Variants in NIPAL3 observed in about 807,000 individuals in gnomAD.
NIPAL3 encodes the protein NIPA like domain containing 3, also known as NIPA-like protein 3.
NIPAL3 carries 41 observed loss-of-function variants against 47.2 expected under a neutral mutation model. That is an observed-to-expected ratio of 0.87 (90% confidence interval 0.68 to 1.13). The LOEUF (loss-of-function observed/expected upper bound fraction) is 1.13, where lower values mean the gene tolerates loss of function less well. NIPAL3 is among the 50% of genes most tolerant of loss of function. The probability of loss-of-function intolerance (pLI) is 0.00; values close to 1 mark genes in which losing one functional copy is unlikely to be tolerated. For synonymous variants in NIPAL3, 194 were observed against 209.6 expected (o/e 0.93, Z 0.64); for missense variants, 449 against 530.1 (o/e 0.85, Z 1.50).
At chr1:24,463,022 G>A (rs1646543906) in intron 10 of NIPAL3, among the ~76,000 whole-genome samples, 1 of 151,898 alleles carries the variant, frequency 6.6e-6, no homozygotes, top group Non-Finnish European at 1.5e-5. Context: ...ACAAAATTTT[G>A]TACTAAAAAT....
At chr1:24,455,457 A>G (rs1032082332) in intron 7 of NIPAL3, among the ~76,000 whole-genome samples, 3 of 152,254 alleles carry the variant, frequency 2.0e-5, no homozygotes, top group African/African-American at 7.2e-5. Flanking sequence ...AGATACACAC[A>G]TATTGGAAAT....
chr1:24,447,830 G>A (rs1397550815), intron 5 of NIPAL3, among the ~76,000 whole-genome samples: 2 of 152,242 alleles, frequency 1.3e-5, no homozygotes, highest in Non-Finnish European at 2.9e-5. Flanking sequence ...GCCTTGATGA[G>A]CAGACCATGG....
chr1:24,459,351 C>A (rs888664367), intron 9 of NIPAL3, among the ~76,000 whole-genome samples: 2 of 152,192 alleles, frequency 1.3e-5, no homozygotes, highest in African/African-American at 4.8e-5. Context: ...CAAATCTCTT[C>A]TGTATAATTT....
intron 2 of NIPAL3, among the ~76,000 whole-genome samples, chr1:24,438,690 T>G (rs754925807): frequency 6.6e-6 from 1 of 152,192 alleles, no homozygotes; most frequent in Non-Finnish European, 1.5e-5. Flanking sequence ...CTGTTTGTCT[T>G]GTTAACTGCC....
chr1:24,414,535 T>A (rs1643925870), upstream of NIPAL3: 2 of 129,696 alleles, frequency 1.5e-5, no homozygotes, highest in South Asian at 5.0e-4. Flanking sequence ...TCCAAGCTTT[T>A]TTTTTTTTTT....
intron 11 of NIPAL3, chr1:24,465,772 A>T (rs1646670681): frequency 2.7e-6 from 1 of 372,800 alleles, no homozygotes; most frequent in African/African-American, 2.1e-5. Flanking sequence ...TAGTGGTCAT[A>T]TGTGTAAAGG....
chr1:24,430,729 G>A (rs77162413), intron 2 of NIPAL3, among the ~76,000 whole-genome samples: 4,605 of 152,230 alleles, frequency 0.03, 245 homozygotes, highest in African/African-American at 0.11. Flanking sequence ...TTTCTGTGAC[G>A]TTTACCAAAA....
chr1:24,442,370 C>T, intron 4 of NIPAL3, 144 bp downstream of exon 4: 1 of 810,542 alleles, frequency 1.2e-6, no homozygotes, highest in South Asian at 2.1e-5. Flanking sequence ...TCAGACACAC[C>T]AGGCCCTGTA....
intron 2 of NIPAL3, among the ~76,000 whole-genome samples, chr1:24,431,532 A>C (rs1644877998): frequency 6.6e-6 from 1 of 152,118 alleles, no homozygotes; most frequent in Admixed American, 6.5e-5. Context: ...TTTAAAATTT[A>C]TTTTATGACC....
rs976065444 is a variant in NIPAL3, at chr1:24,454,966, T to G, written c.638-1172T>G. The G allele has an allele frequency of 1.1e-4, 16 of 152,102 alleles. No homozygotes were observed. Among genetic ancestry groups the G allele is most frequent in the African/African-American group, 3.6e-4 (15 of 41,410 alleles). The allele number at this position is 152,102 out of a possible 1,614,324, so 9.4% of individuals were successfully genotyped here. On this transcript the variant is annotated intron_variant, in intron 7 of 11. Coordinates refer to ENST00000374399, the MANE Select transcript of NIPAL3 (RefSeq NM_020448.5). The surrounding 1 kb of genome is among the most constrained non-coding windows in gnomAD (Gnocchi z 4.1). ...CCCTGAAACATCCTCTCCTCTTACG[T>G]AGGAAGGCCAGAAGGTTCTGAGGCC...
Position 24,460,371 on chromosome 1 carries a change from G to C in NIPAL3, c.863-110G>C, listed in dbSNP as rs149647547. 5.3e-5 allele frequency: 44 copies of C among 830,542 alleles called. No individual in the cohort carries two copies. In the Middle Eastern group the frequency reaches 1.3e-3, roughly 25 times the overall value. 51.4% of individuals were successfully genotyped at this position (830,542 alleles called of 1,614,324 possible). On this transcript the variant is annotated intron_variant, in intron 9 of 11. Coordinates refer to ENST00000374399, the MANE Select transcript of NIPAL3 (RefSeq NM_020448.5). Reference sequence around the variant, plus strand: ...CTTGTAAGGCACAGTCATAAGTTTTGATCATTTTAGTTTCCTAAATGGAAG... The same window carrying C: ...CTTGTAAGGCACAGTCATAAGTTTTCATCATTTTAGTTTCCTAAATGGAAG...
chr1:24,455,158 GC>G (rs577321444), intron 7 of NIPAL3, among the ~76,000 whole-genome samples: 169 of 152,334 alleles, frequency 1.1e-3, no homozygotes, highest in African/African-American at 3.8e-3. Context: ...GAATAGGAAA[GC>G]AAAGCACAGC....
intron 10 of NIPAL3, among the ~76,000 whole-genome samples, chr1:24,461,638 A>G (rs195722): frequency 0.54 from 81,045 of 150,614 alleles, 22,210 homozygotes; most frequent in African/African-American, 0.62. Context: ...AGGCTGAGGC[A>G]GGTGGATCAC....
rs116815264 is a variant in NIPAL3, at chr1:24,428,029, C to G, written c.93+8389C>G. ...GGAAGGCCGAGGCAGCCTTTGAGCC[C>G]AGGAGTTCGAGACCAGCCTGGGCAA... On this transcript the variant is annotated intron_variant, in intron 2 of 11. Transcript: ENST00000374399. 3.2e-3 allele frequency among the ~76,000 whole-genome samples: 492 copies of G among 152,184 alleles called. 2 individuals are homozygous for G. Among genetic ancestry groups the G allele is most frequent in the African/African-American group, 0.012 (484 of 41,500 alleles).
chr1:24,449,636 GCCTCCA>G lies in NIPAL3; in HGVS notation c.540+11_540+16del. ...TTTCCTTTTGTACATGGTAAGAGAAGCCTCCAGTCGTTCCCCCTGAGATGGCAGGAG... is the reference window on the plus strand; with the variant it reads ...TTTCCTTTTGTACATGGTAAGAGAAGGTCGTTCCCCCTGAGATGGCAGGAG... On this transcript the variant is annotated intron_variant, in intron 6 of 11. Coordinates refer to ENST00000374399, the MANE Select transcript of NIPAL3 (RefSeq NM_020448.5). The surrounding 1 kb of genome is among the most constrained non-coding windows in gnomAD (Gnocchi z 4.5). The G allele has an allele frequency of 1.2e-6, 2 of 1,610,148 alleles. No homozygotes were observed. Among genetic ancestry groups the G allele is most frequent in the African/African-American group, 2.7e-5 (2 of 74,998 alleles).
At chr1:24,456,401 G>A in intron 8 of NIPAL3, 128 bp downstream of exon 8, 1 of 1,307,616 alleles carries the variant, frequency 7.6e-7, no homozygotes, top group East Asian at 2.3e-5. Flanking sequence ...ATCCAGCATG[G>A]AGAGAGGAGC....
At chr1:24,438,456 G>A (rs898356908) in intron 2 of NIPAL3, among the ~76,000 whole-genome samples, 2 of 152,188 alleles carry the variant, frequency 1.3e-5, no homozygotes, top group African/African-American at 4.8e-5. Flanking sequence ...CCTCCCTCTC[G>A]GTCCTCCTGC....
intron 9 of NIPAL3, among the ~76,000 whole-genome samples, chr1:24,459,635 C>CT (rs1488875290): frequency 6.6e-6 from 1 of 152,246 alleles, no homozygotes; most frequent in African/African-American, 2.4e-5. Context: ...TCTGCCAACA[C>CT]TTAAGACAAG....
chr1:24,442,545 G>C (rs1351382532), intron 4 of NIPAL3, among the ~76,000 whole-genome samples: 1 of 152,216 alleles, frequency 6.6e-6, no homozygotes, highest in African/African-American at 2.4e-5. Flanking sequence ...GAACTGGGCT[G>C]TCTGGCTCCA....
Sources: gnomAD v4.1 joint callset for allele counts (sites outside exome capture counted in the v4.1 genomes callset) on GRCh38, gnomAD v4.1.1 for gene constraint, Gnocchi (gnomAD v3.1) non-coding constraint, MANE v1.5 for transcripts, NCBI Gene and HGNC (gene_info 2026-07-23, HGNC 2026-07-21) for gene names.